Variants in METTL2B observed in about 807,000 individuals in gnomAD.
METTL2B encodes the protein methyltransferase 2B, tRNA N3-cytidine, also known as tRNA N(3)-cytidine methyltransferase METTL2B.
METTL2B carries 28 observed loss-of-function variants against 51.0 expected under a neutral mutation model. The observed-to-expected ratio is 0.55, with a 90% CI of 0.41 to 0.75. The LOEUF (loss-of-function observed/expected upper bound fraction) is 0.75. Ranked by LOEUF, METTL2B falls within the 30% of genes least tolerant of loss-of-function variation. METTL2B has a pLI of 0.00. For synonymous variants in METTL2B, 128 were observed against 166.3 expected (o/e 0.77, Z 1.77); for missense variants, 313 against 460.7 (o/e 0.68, Z 2.93).
chr7:128,480,451 T>A (rs1038589102), intron 3 of METTL2B, among the ~76,000 whole-genome samples, 196 bp from the exon 4 acceptor site: 1 of 152,244 alleles, frequency 6.6e-6, no homozygotes, highest in Non-Finnish European at 1.5e-5. Flanking sequence ...TAAAAACCCA[T>A]GTTCTTGTCT....
Position 128,502,565 on chromosome 7 carries a change from T to C in METTL2B, c.*649T>C. ...AATGACCCTGTAGACAGCATCAAAA[T>C]GTGGTGTTCTTGTTAAGTAATTGAT... On this transcript the variant is annotated 3_prime_UTR_variant, in exon 9 of 9. Transcript: ENST00000262432. 2.2e-6 allele frequency: 1 copy of C among 453,748 alleles called. No homozygotes were observed. 28.1% of individuals were successfully genotyped at this position (453,748 alleles called of 1,614,324 possible). A position where few individuals can be genotyped will look rare whatever the true frequency, so the allele number is the denominator to read the frequency against.
chr7:128,478,790 G>A (rs958438142), intron 2 of METTL2B, among the ~76,000 whole-genome samples: 4 of 151,984 alleles, frequency 2.6e-5, no homozygotes, highest in African/African-American at 9.7e-5. Flanking sequence ...CATGAACCCG[G>A]GAGGTGGAGC....
At chr7:128,478,106 T>A (rs1322250878) in intron 2 of METTL2B, 1 of 347,910 alleles carries the variant, frequency 2.9e-6, no homozygotes, top group Non-Finnish European at 6.0e-6. Context: ...GATTCCAACT[T>A]CCATTGTCAC....
intron 4 of METTL2B, among the ~76,000 whole-genome samples, chr7:128,482,405 C>T (rs570878331): frequency 2.0e-5 from 3 of 152,178 alleles, no homozygotes; most frequent in Non-Finnish European, 4.4e-5. Flanking sequence ...CTACCTGCCT[C>T]GGCCTCCCAA....
intron 4 of METTL2B, among the ~76,000 whole-genome samples, chr7:128,485,741 G>A (rs1234239526): frequency 1.3e-5 from 2 of 151,784 alleles, no homozygotes; most frequent in Admixed American, 6.6e-5. Context: ...TGAGGCCAGA[G>A]GATTGGTTGG....
rs1444258865 is a variant in METTL2B at position 128,502,620 on chromosome 7, C to T, written c.*704C>T. 6 of 453,696 alleles carry T rather than the reference C, an allele frequency of 1.3e-5. No individual in the cohort carries two copies. The highest frequency in any genetic ancestry group is 1.2e-4 in the African/African-American group (6 of 49,888). The allele number at this position is 453,696 out of a possible 1,614,324, so 28.1% of individuals were successfully genotyped here. A position where few individuals can be genotyped will look rare whatever the true frequency, so the allele number is the denominator to read the frequency against. On this transcript the variant is annotated 3_prime_UTR_variant, in exon 9 of 9. Transcript: ENST00000262432. ...GTCTTTGCTTTAATCTTAGTTCCGC[C>T]AGGCACGGTGGCTCACACCTGTAAT... is the stretch of plus-strand genomic sequence containing the variant.
chr7:128,494,610 T>A (rs1300718643), intron 6 of METTL2B, among the ~76,000 whole-genome samples: 1 of 152,088 alleles, frequency 6.6e-6, no homozygotes, highest in African/African-American at 2.4e-5. Flanking sequence ...AGGTAATGTC[T>A]CATTATTGGC....
intron 4 of METTL2B, chr7:128,483,398 G>C (rs1799896518): frequency 1.3e-5 from 2 of 152,322 alleles, no homozygotes; most frequent in South Asian, 4.1e-4. Context: ...TTATCCCTCA[G>C]TGCACTGGTC....
At chr7:128,481,890 T>G (rs1799876846) in intron 4 of METTL2B, among the ~76,000 whole-genome samples, 1 of 152,206 alleles carries the variant, frequency 6.6e-6, no homozygotes, top group African/African-American at 2.4e-5. Context: ...GTGATCCTCT[T>G]GCCTCGGCCT....
rs188393169 is a variant in METTL2B, at chr7:128,503,069, C to T, written c.*1153C>T. 6.3e-6 allele frequency: 1 copy of T among 159,058 alleles called. No individual in the cohort carries two copies. The highest frequency in any genetic ancestry group is 6.1e-5 in the Admixed American group (1 of 16,470). 9.9% of individuals were successfully genotyped at this position (159,058 alleles called of 1,614,324 possible). A position where few individuals can be genotyped will look rare whatever the true frequency, so the allele number is the denominator to read the frequency against. On this transcript the variant is annotated 3_prime_UTR_variant, in exon 9 of 9. Coordinates refer to ENST00000262432, the MANE Select transcript of METTL2B (RefSeq NM_018396.3). ...GGATCACGAGGTCAGGAGATCGAGA[C>T]CATCCTGGCTAACACGGTGAAACCT...
In METTL2B at chr7:128,503,364, G is replaced by C. The variant is rs893381195; in HGVS notation, c.*1448G>C. The C allele has an allele frequency of 2.6e-5, 4 of 151,674 alleles. No homozygotes were observed. The highest frequency in any genetic ancestry group is 7.3e-5 in the African/African-American group (3 of 41,320). The allele number at this position is 151,674 out of a possible 1,614,324, so 9.4% of individuals were successfully genotyped here. On this transcript the variant is annotated 3_prime_UTR_variant, in exon 9 of 9. Transcript: ENST00000262432. The stretch of plus-strand genomic sequence containing the variant: ...TTAAGTGTTTGACACAAAAGGAATT[G>C]AGAGAACTTCTTAATTTTAACCACA...
At chr7:128,498,639 A>G (rs910707913) in intron 7 of METTL2B, among the ~76,000 whole-genome samples, 1 of 152,140 alleles carries the variant, frequency 6.6e-6, no homozygotes, top group African/African-American at 2.4e-5. Context: ...AGAGGCTTGT[A>G]TAATCTAGAT....
chr7:128,502,008 A>G lies in METTL2B; in HGVS notation c.*92A>G. The G allele has an allele frequency of 6.5e-7, 1 of 1,543,198 alleles. No homozygotes were observed. The highest frequency in any genetic ancestry group is 8.8e-7 in the Non-Finnish European group (1 of 1,140,806). On this transcript the variant is annotated 3_prime_UTR_variant, in exon 9 of 9. Transcript: ENST00000262432. ...AGCACCGGGCATGGTGCATGCCTGTAATCCCAGCCACTCAGGAGGCTGAGG... is the reference window on the plus strand; with the variant it reads ...AGCACCGGGCATGGTGCATGCCTGTGATCCCAGCCACTCAGGAGGCTGAGG...
At position 128,477,065 on chromosome 7, in the gene METTL2B, C is replaced by T; in HGVS notation, c.111-17C>T. On this transcript the variant is annotated splice_polypyrimidine_tract_variant and intron_variant, in intron 1 of 8. Transcript: ENST00000262432. ...CCAGGACGTGAAGCCCCTAAGCTGCCCGTTTGATTTTCTCAGGGACAATGT... is the reference window on the plus strand; with the variant it reads ...CCAGGACGTGAAGCCCCTAAGCTGCTCGTTTGATTTTCTCAGGGACAATGT... 1 of 1,614,152 alleles carries T rather than the reference C, an allele frequency of 6.2e-7. No homozygotes were observed. The highest frequency in any genetic ancestry group is 8.5e-7 in the Non-Finnish European group (1 of 1,180,030).
At chr7:128,493,281 C>T (rs1563029824) in intron 5 of METTL2B, among the ~76,000 whole-genome samples, 1 of 151,778 alleles carries the variant, frequency 6.6e-6, no homozygotes, top group South Asian at 2.1e-4. Flanking sequence ...GGTACAATCT[C>T]GGCTCACTAC....
intron 4 of METTL2B, among the ~76,000 whole-genome samples, chr7:128,487,229 G>A (rs866678900): frequency 1.3e-5 from 2 of 152,162 alleles, no homozygotes; most frequent in South Asian, 4.1e-4. Flanking sequence ...AGTTCAGCAG[G>A]AAGCAGAGCC....
Position 128,501,930 on chromosome 7 carries a change from C to A in METTL2B, c.*14C>A, listed in dbSNP as rs778454182. On this transcript the variant is annotated 3_prime_UTR_variant, in exon 9 of 9. Transcript: ENST00000262432. ...AGCACCAGCTAAGAGGCACCTGCTGCCAACACGATGCAAGCCCGTTGTGTT... is the reference window on the plus strand; with the variant it reads ...AGCACCAGCTAAGAGGCACCTGCTGACAACACGATGCAAGCCCGTTGTGTT... 1.9e-6 allele frequency: 3 copies of A among 1,613,476 alleles called. No individual in the cohort carries two copies. The highest frequency in any genetic ancestry group is 2.5e-6 in the Non-Finnish European group (3 of 1,179,742).
chr7:128,497,551 T>C (rs1584796989), intron 6 of METTL2B, among the ~76,000 whole-genome samples: 1 of 152,296 alleles, frequency 6.6e-6, no homozygotes, highest in East Asian at 1.9e-4. Flanking sequence ...GGTGCAATCT[T>C]GGCTCACTGC....
Position 128,500,976 on chromosome 7 carries a change from A to G in METTL2B, c.982+8A>G. The G allele has an allele frequency of 6.2e-7, 1 of 1,614,094 alleles. No individual in the cohort carries two copies. The highest frequency in any genetic ancestry group is 8.5e-7 in the Non-Finnish European group (1 of 1,180,010). On this transcript the variant is annotated splice_region_variant and intron_variant, in intron 8 of 8. Coordinates refer to ENST00000262432, the MANE Select transcript of METTL2B (RefSeq NM_018396.3). ...TTTACTTCTTCACACAAGGTATGAA[A>G]CACTCATCTTTTTACGCTAAAAGTC...
Sources: allele counts gnomAD v4.1 joint callset (sites outside exome capture counted in the v4.1 genomes callset), GRCh38; gene constraint gnomAD v4.1.1; transcripts MANE v1.5; gene names NCBI Gene and HGNC (gene_info 2026-07-23, HGNC 2026-07-21).